Variants in DMTF1 observed in about 807,000 individuals in gnomAD.
DMTF1 encodes the protein cyclin D binding myb like transcription factor 1.
In DMTF1, 39 loss-of-function variants were observed where a neutral mutation model predicts 91.1. That is an observed-to-expected ratio of 0.43 (90% CI 0.33 to 0.56). The LOEUF (loss-of-function observed/expected upper bound fraction) is 0.56, where lower values mean the gene tolerates loss of function less well. Ranked by LOEUF, DMTF1 falls within the 20% of genes least tolerant of loss-of-function variation. The probability of loss-of-function intolerance (pLI) is 0.05; values close to 1 mark genes in which losing one functional copy is unlikely to be tolerated. For missense variants in DMTF1, 750 were observed against 914.5 expected (o/e 0.82, Z 2.32); for synonymous variants, 338 against 309.5 (o/e 1.09, Z -0.97).
chr7:87,185,043 G>A lies in DMTF1; in HGVS notation c.1049+418G>A, dbSNP rs80131452. 918 of 352,360 alleles carry A rather than the reference G, an allele frequency of 2.6e-3. 6 individuals are homozygous for A. Among genetic ancestry groups the A allele is most frequent in the African/African-American group, 0.019 (873 of 46,676 alleles). 21.8% of individuals were successfully genotyped at this position (352,360 alleles called of 1,614,324 possible). ...ACTGTGCTAAGATTGCCAAGAAGGG[G>A]GCCCAGTCTGTAGTTACCTCCACAC... is the stretch of plus-strand genomic sequence containing the variant. On this transcript the variant is annotated intron_variant, in intron 11 of 17. Transcript: ENST00000331242.
intron 12 of DMTF1, chr7:87,187,779 A>G: frequency 3.1e-6 from 1 of 326,960 alleles, no homozygotes; most frequent in East Asian, 6.9e-5. Flanking sequence ...TTCCTAAATA[A>G]TAATCCTATC....
chr7:87,169,689 A>G (rs1034220640), intron 4 of DMTF1, among the ~76,000 whole-genome samples: 3 of 152,136 alleles, frequency 2.0e-5, no homozygotes, highest in African/African-American at 7.2e-5. Context: ...TGTTTGCGTT[A>G]CTTGATCTGT....
intron 10 of DMTF1, among the ~76,000 whole-genome samples, chr7:87,183,458 A>C (rs1797793769): frequency 6.6e-6 from 1 of 152,210 alleles, no homozygotes; most frequent in Non-Finnish European, 1.5e-5. Context: ...ACAGCTGCTG[A>C]TGAGGCCATG....
intron 8 of DMTF1, among the ~76,000 whole-genome samples, chr7:87,179,991 T>C (rs1198588701): frequency 2.6e-5 from 4 of 152,164 alleles, no homozygotes; most frequent in East Asian, 1.9e-4. Flanking sequence ...ATTAAAGATT[T>C]AAGAAGTGTG....
rs974757119 is a variant in DMTF1, at chr7:87,171,026, C to G, written c.264C>G (p.Thr88=). The G allele has an allele frequency of 9.9e-6, 16 of 1,612,150 alleles. No individual in the cohort carries two copies. The highest frequency in any genetic ancestry group is 1.7e-5 in the Admixed American group (1 of 59,938). Residue 88 remains threonine, a synonymous_variant, in exon 5 of 18, where the codon ACC becomes ACG. Transcript: ENST00000331242. The part of the protein sequence containing the change: ...LSENDQSFEV[T]MTATTEVADD... ...AAAATGATCAGAGCTTTGAAGTGAC[C>G]ATGACTGCAACCACAGAAGTAGCAG...
intron 1 of DMTF1, among the ~76,000 whole-genome samples, chr7:87,159,625 C>T (rs1249756848): frequency 6.6e-6 from 1 of 152,084 alleles, no homozygotes; most frequent in African/African-American, 2.4e-5. Context: ...TCTTCTGTAT[C>T]TTCTCGTTTT....
At position 87,184,490 on chromosome 7, in the gene DMTF1, C is replaced by G. The variant is rs1316247211; in HGVS notation, c.914C>G (p.Ser305Cys). 6.2e-7 allele frequency: 1 copy of G among 1,613,952 alleles called. No homozygotes were observed. The highest frequency in any genetic ancestry group is 2.2e-5 in the East Asian group (1 of 44,838). The change falls in exon 11 of 18, where the codon TCT (serine) becomes TGT (cysteine). Residue 305 changes from serine to cysteine, a missense_variant. By Grantham distance (112) the Ser-to-Cys change is moderately radical. Transcript: ENST00000331242. ...GGTGACATAGTCACACAGGGTGTGT[C>G]TTGGGCAGCTGTGGCTGAACGAGTC... ...EPGDIVTQGV[S>C]WAAVAERVGT...
At chr7:87,168,973 T>C (rs985559161) in intron 4 of DMTF1, among the ~76,000 whole-genome samples, 3 of 152,196 alleles carry the variant, frequency 2.0e-5, no homozygotes, top group African/African-American at 7.2e-5. Flanking sequence ...AATACATACC[T>C]ACCTGCATCT....
chr7:87,187,468 C>T (rs1362467927), intron 12 of DMTF1: 1 of 152,276 alleles, frequency 6.6e-6, no homozygotes, highest in Non-Finnish European at 1.5e-5. Context: ...TGGCTTGAGT[C>T]CAGGGGTTCG....
At chr7:87,182,095 T>G in intron 9 of DMTF1, 133 bp from the exon 10 acceptor site, 4 of 1,544,684 alleles carry the variant, frequency 2.6e-6, no homozygotes, top group Non-Finnish European at 3.5e-6. Context: ...CTTTCAAACT[T>G]TGGCTCTCAA....
intron 1 of DMTF1, among the ~76,000 whole-genome samples, chr7:87,160,499 T>C (rs1346361244): frequency 1.3e-5 from 2 of 151,844 alleles, no homozygotes; most frequent in African/African-American, 4.8e-5. Context: ...GGTTTCGAAC[T>C]CCTGACCTCA....
chr7:87,157,846 G>GTTT (rs199764964), intron 1 of DMTF1, among the ~76,000 whole-genome samples: 3 of 143,580 alleles, frequency 2.1e-5, no homozygotes, highest in African/African-American at 7.6e-5. Flanking sequence ...AAGGTTATGT[G>GTTT]TTTTTTTTTT....
chr7:87,174,632 T>C lies in DMTF1; in HGVS notation c.482T>C (p.Ile161Thr). The C allele has an allele frequency of 1.9e-6, 3 of 1,610,740 alleles. No individual in the cohort carries two copies. The highest frequency in any genetic ancestry group is 1.7e-5 in the Admixed American group (1 of 59,762). ...CAGGGGATGTGGTCCAAGGAAGAAA[T>C]TGATATTTTGATGAACAATATTGAA... Reference protein sequence around the residue: ...WKQGMWSKEEIDILMNNIERY... With the variant: ...WKQGMWSKEETDILMNNIERY... The change falls in exon 7 of 18, where the codon ATT (isoleucine) becomes ACT (threonine). Residue 161 changes from isoleucine (I) to threonine (T), a missense_variant. This residue lies in a region of DMTF1 where 190 missense variants were observed against 343.8 expected (regional missense o/e 0.55). Coordinates refer to ENST00000331242, the MANE Select transcript of DMTF1 (RefSeq NM_001142327.2).
chr7:87,155,806 G>T (rs1410610935), intron 1 of DMTF1, among the ~76,000 whole-genome samples: 1 of 129,382 alleles, frequency 7.7e-6, no homozygotes, highest in Non-Finnish European at 1.6e-5. Context: ...GAAATAAGTT[G>T]TCAGAGAAAA....
intron 4 of DMTF1, among the ~76,000 whole-genome samples, chr7:87,169,065 C>G (rs1794493348): frequency 6.6e-6 from 1 of 152,200 alleles, no homozygotes; most frequent in Non-Finnish European, 1.5e-5. Flanking sequence ...TACTCAAGGA[C>G]ATTGTTCCAA....
At chr7:87,159,795 T>A (rs1791774737) in intron 1 of DMTF1, among the ~76,000 whole-genome samples, 1 of 152,256 alleles carries the variant, frequency 6.6e-6, no homozygotes, top group African/African-American at 2.4e-5. Flanking sequence ...AGCGTGTTAC[T>A]GTACTGAGTA....
In DMTF1 at chr7:87,194,900, G is replaced by T. The variant is rs948491969; in HGVS notation, c.2173+72G>T. ...AAAAAAACAGACATTTAATTAACTT[G>T]TTTCAGTCTTTCTTGATCCAATAAG... On this transcript the variant is annotated intron_variant, in intron 17 of 17. Coordinates refer to ENST00000331242, the MANE Select transcript of DMTF1 (RefSeq NM_001142327.2). 18 of 1,510,618 alleles carry T rather than the reference G, an allele frequency of 1.2e-5. No individual in the cohort carries two copies. In the Admixed American group the frequency reaches 3.3e-4, roughly 28 times the overall value. 93.6% of individuals were successfully genotyped at this position (1,510,618 alleles called of 1,614,324 possible). A position where few individuals can be genotyped will look rare whatever the true frequency, so the allele number is the denominator to read the frequency against.
At chr7:87,184,838 A>G (rs1798068450) in intron 11 of DMTF1, 1 of 660,612 alleles carries the variant, frequency 1.5e-6, no homozygotes, top group Non-Finnish European at 2.8e-6. Context: ...GTGCTCATGC[A>G]AAGTACCAGA....
intron 9 of DMTF1, chr7:87,181,985 T>C (rs1044353039): frequency 1.3e-6 from 2 of 1,491,318 alleles, no homozygotes; most frequent in Non-Finnish European, 1.8e-6. Flanking sequence ...TTTGAACACA[T>C]ATCCAAGTTA....
Sources: gnomAD v4.1 joint callset for allele counts (sites outside exome capture counted in the v4.1 genomes callset) on GRCh38, gnomAD v4.1.1 for gene constraint, gnomAD v4.1.1 regional missense constraint, MANE v1.5 for transcripts, NCBI Gene and HGNC (gene_info 2026-07-23, HGNC 2026-07-21) for gene names.